The following SLC1A3 variants were observed in gnomAD, a reference collection of about 807,000 sequenced individuals.
The protein encoded by SLC1A3 is solute carrier family 1 member 3.
A neutral mutation model predicts 48.1 loss-of-function variants in SLC1A3; 21 were observed. The observed-to-expected ratio is 0.44, with a 90% confidence interval of 0.31 to 0.63. SLC1A3 has a LOEUF of 0.63. SLC1A3 is among the 20% of genes least tolerant of loss of function. The pLI is 0.08. For synonymous variants in SLC1A3, 239 were observed against 251.4 expected, an observed-to-expected ratio of 0.95 and a Z score of 0.47; for missense variants, 546 against 689.0, an observed-to-expected ratio of 0.79 and a Z score of 2.32.
At chr5:36,685,934 T>G (rs1014210730) in intron 9 of SLC1A3, 131 bp from the exon 10 acceptor site, 1 of 738,516 alleles carries the variant, frequency 1.4e-6, no homozygotes, top group Non-Finnish European at 2.5e-6. Flanking sequence ...GTCTATTACG[T>G]AATCTTGCAG....
intron 3 of SLC1A3, among the ~76,000 whole-genome samples, chr5:36,637,256 G>T (rs369533863): frequency 6.6e-6 from 1 of 152,168 alleles, no homozygotes; most frequent in Non-Finnish European, 1.5e-5. Context: ...TACCAGCCAC[G>T]ACAAACCATT....
chr5:36,624,044 C>T (rs1482918451), intron 2 of SLC1A3, among the ~76,000 whole-genome samples: 1 of 152,086 alleles, frequency 6.6e-6, no homozygotes, highest in East Asian at 1.9e-4. Flanking sequence ...AGATAAGCAG[C>T]CTTCGTATTC....
intron 3 of SLC1A3, among the ~76,000 whole-genome samples, chr5:36,649,970 T>C (rs1468801973): frequency 6.6e-6 from 1 of 152,232 alleles, no homozygotes; most frequent in Non-Finnish European, 1.5e-5. Flanking sequence ...CGTTCCATCA[T>C]GGATTACTTT....
chr5:36,668,725 GA>G (rs771283000), intron 3 of SLC1A3: 6 of 152,132 alleles, frequency 3.9e-5, no homozygotes, highest in Non-Finnish European at 7.4e-5. Context: ...TTTAGAATTA[GA>G]AAGTATGAAG....
intron 4 of SLC1A3, 50 bp downstream of exon 4, chr5:36,671,283 C>T: frequency 7.6e-7 from 1 of 1,322,350 alleles, no homozygotes; most frequent in Non-Finnish European, 1.1e-6. Flanking sequence ...CCATCCAGAC[C>T]CTCTTACTGG....
At chr5:36,633,580 T>C (rs552293088) in intron 3 of SLC1A3, among the ~76,000 whole-genome samples, 59 of 152,336 alleles carry the variant, frequency 3.9e-4, no homozygotes, top group Non-Finnish European at 7.9e-4. Context: ...AAGATGTATG[T>C]TGGGTGCTGA....
chr5:36,607,106 G>T lies in SLC1A3; in HGVS notation c.-96+371G>T, dbSNP rs541639947. 17 of 152,182 alleles carry T rather than the reference G, an allele frequency of 1.1e-4. 2 individuals carry two copies. The South Asian group carries it at 3.5e-3, about 32-fold the overall frequency. 9.4% of individuals were successfully genotyped at this position (152,182 alleles called of 1,614,324 possible). A position where few individuals can be genotyped will look rare whatever the true frequency, so the allele number is the denominator to read the frequency against. On this transcript the variant is annotated intron_variant, in intron 1 of 9. Coordinates refer to ENST00000265113, the MANE Select transcript of SLC1A3 (RefSeq NM_004172.5). ...CACTTCTCCCTAAGCATTTAATCCAGTGTGAAGTCTTAAACAAATTAGAAG... is the reference window on the plus strand; with the variant it reads ...CACTTCTCCCTAAGCATTTAATCCATTGTGAAGTCTTAAACAAATTAGAAG...
chr5:36,674,193 C>A, intron 5 of SLC1A3, 102 bp downstream of exon 5: 1 of 943,240 alleles, frequency 1.1e-6, no homozygotes, highest in Non-Finnish European at 1.7e-6. Flanking sequence ...CTATAAGAAA[C>A]ACTTCTCTTG....
chr5:36,686,128 C>T lies in SLC1A3; in HGVS notation c.1488C>T (p.His496=), dbSNP rs1742636561. 6.2e-7 allele frequency: 1 copy of T among 1,614,176 alleles called. No individual in the cohort carries two copies. The highest frequency in any genetic ancestry group is 2.2e-5 in the East Asian group (1 of 44,878). The stretch of plus-strand genomic sequence containing the variant: ...CCCTGGGAGCTGGGATTGTGGAGCA[C>T]TTGTCACGACATGAACTGAAGAACA... ...GDSLGAGIVE[H]LSRHELKNRD... Residue 496 remains histidine, a synonymous_variant, in exon 10 of 10, where the codon CAC becomes CAT. Coordinates refer to ENST00000265113, the MANE Select transcript of SLC1A3 (RefSeq NM_004172.5).
intron 3 of SLC1A3, chr5:36,666,301 A>G (rs911344588): frequency 6.6e-6 from 1 of 152,224 alleles, no homozygotes; most frequent in African/African-American, 2.4e-5. Flanking sequence ...TTTCCTTGTA[A>G]GTTTGCCCAT....
At chr5:36,598,164 G>A (rs1366637) in intron 1 of SLC1A3, among the ~76,000 whole-genome samples, 21,653 of 152,242 alleles carry the variant, frequency 0.14, 1,717 homozygotes, top group Non-Finnish European at 0.19. Context: ...GCGGACTAGG[G>A]TAGAATCTTG....
At chr5:36,639,720 C>G (rs1740536231) in intron 3 of SLC1A3, among the ~76,000 whole-genome samples, 1 of 152,184 alleles carries the variant, frequency 6.6e-6, no homozygotes, top group African/African-American at 2.4e-5. Flanking sequence ...AAATTCCATA[C>G]AGTTTTATTT....
chr5:36,684,021 C>A (rs200054109), intron 9 of SLC1A3, 23 bp downstream of exon 9: 1 of 1,614,080 alleles, frequency 6.2e-7, no homozygotes, highest in East Asian at 2.2e-5. Flanking sequence ...GGCCTGCATT[C>A]CAGCTCACTG....
At chr5:36,615,776 A>G (rs1289835741) in intron 2 of SLC1A3, among the ~76,000 whole-genome samples, 1 of 152,230 alleles carries the variant, frequency 6.6e-6, no homozygotes, top group African/African-American at 2.4e-5. Context: ...TTTATGGAAC[A>G]CTAGGATACT....
intron 3 of SLC1A3, among the ~76,000 whole-genome samples, chr5:36,642,719 C>T (rs1015141147): frequency 3.9e-5 from 6 of 152,086 alleles, no homozygotes; most frequent in Admixed American, 3.3e-4. Context: ...CCCCCCGATT[C>T]CCCCAAGCCC....
intron 2 of SLC1A3, among the ~76,000 whole-genome samples, chr5:36,623,265 T>C (rs1452371350): frequency 6.6e-6 from 1 of 152,156 alleles, no homozygotes; most frequent in Non-Finnish European, 1.5e-5. Flanking sequence ...CTAATATTGA[T>C]AACCAAGGGT....
intron 3 of SLC1A3, among the ~76,000 whole-genome samples, chr5:36,652,323 CAT>C (rs1476651157): frequency 1.7e-5 from 2 of 117,942 alleles, no homozygotes; most frequent in South Asian, 6.6e-4. Context: ...CGCACACACA[CAT>C]ACACACACAC....
intron 3 of SLC1A3, among the ~76,000 whole-genome samples, chr5:36,631,116 G>T (rs768126032): frequency 1.3e-5 from 2 of 152,196 alleles, no homozygotes; most frequent in Non-Finnish European, 2.9e-5. Flanking sequence ...TGCTGGCAGG[G>T]CATCTGGATT....
At chr5:36,614,327 A>AC (rs1739338587) in intron 2 of SLC1A3, among the ~76,000 whole-genome samples, 1 of 151,998 alleles carries the variant, frequency 6.6e-6, no homozygotes, top group Non-Finnish European at 1.5e-5. Flanking sequence ...GAGCTATAAG[A>AC]CCCTGGCATT....
Sources: gnomAD v4.1 joint callset for allele counts (sites outside exome capture counted in the v4.1 genomes callset) on GRCh38, gnomAD v4.1.1 for gene constraint, MANE v1.5 for transcripts, NCBI Gene and HGNC (gene_info 2026-07-23, HGNC 2026-07-21) for gene names.